Variants in ADGRL2 observed in about 807,000 individuals in gnomAD.
ADGRL2 encodes the protein adhesion G protein-coupled receptor L2.
Under a neutral mutation model 157.4 loss-of-function variants are expected in ADGRL2, and 44 were observed. The observed-to-expected ratio is 0.28, with a 90% CI of 0.22 to 0.36. The LOEUF (loss-of-function observed/expected upper bound fraction) is 0.36, where lower values mean the gene tolerates loss of function less well. ADGRL2 is among the 10% of genes least tolerant of loss of function. The pLI is 1.00. For missense variants in ADGRL2, 1,510 were observed against 1,768.9 expected (o/e 0.85, Z 2.63); for synonymous variants, 585 against 624.7 (o/e 0.94, Z 0.95).
At chr1:81,596,225 A>T (rs1244254672) in intron 3 of ADGRL2, 2 of 577,154 alleles carry the variant, frequency 3.5e-6, no homozygotes, top group African/African-American at 1.9e-5. Context: ...CAATCTCAAA[A>T]GGACTGTGCA....
At chr1:81,623,088 G>C (rs1419390619) in intron 3 of ADGRL2, among the ~76,000 whole-genome samples, 1 of 152,106 alleles carries the variant, frequency 6.6e-6, no homozygotes, top group African/African-American at 2.4e-5. Flanking sequence ...GTCTGGGGTG[G>C]AGCAACAATT....
chr1:81,868,601 T>A (rs746334479), intron 2 of ADGRL2, among the ~76,000 whole-genome samples: 20 of 152,074 alleles, frequency 1.3e-4, no homozygotes, highest in Non-Finnish European at 2.6e-4. Flanking sequence ...GATCGTTGTC[T>A]CCTCCTCTTC....
At chr1:81,625,105 T>A (rs557651409) in intron 3 of ADGRL2, among the ~76,000 whole-genome samples, 1 of 152,182 alleles carries the variant, frequency 6.6e-6, no homozygotes, top group Non-Finnish European at 1.5e-5. Context: ...ATTATCATCA[T>A]TAAAGGATAA....
chr1:81,370,678 C>G (rs2076146932), intron 1 of ADGRL2, among the ~76,000 whole-genome samples: 1 of 152,104 alleles, frequency 6.6e-6, no homozygotes, highest in African/African-American at 2.4e-5. Context: ...CATCAAAATG[C>G]ATAGGACAGA....
At chr1:81,645,882 G>T (rs1238105464) in intron 3 of ADGRL2, among the ~76,000 whole-genome samples, 1 of 152,072 alleles carries the variant, frequency 6.6e-6, no homozygotes, top group Admixed American at 6.6e-5. Flanking sequence ...GTATTGAGAT[G>T]AAATTTAATT....
intron 4 of ADGRL2, among the ~76,000 whole-genome samples, chr1:81,938,045 C>T (rs779148475): frequency 6.6e-6 from 1 of 151,718 alleles, no homozygotes; most frequent in Non-Finnish European, 1.5e-5. Flanking sequence ...GCTCTGTGTT[C>T]ATGTGTTACT....
chr1:81,384,593 T>C (rs1007246565), intron 1 of ADGRL2, among the ~76,000 whole-genome samples: 76 of 152,320 alleles, frequency 5.0e-4, no homozygotes, highest in African/African-American at 1.7e-3. Context: ...ATAACAGGTT[T>C]ATAACAGATG....
intron 1 of ADGRL2, among the ~76,000 whole-genome samples, chr1:81,418,057 T>C (rs2077062401): frequency 6.6e-6 from 1 of 152,210 alleles, no homozygotes; most frequent in Admixed American, 6.5e-5. Context: ...CACATTCACC[T>C]GAATAACCCA....
intron 1 of ADGRL2, among the ~76,000 whole-genome samples, chr1:81,336,448 G>T (rs1661649173): frequency 6.6e-6 from 1 of 152,166 alleles, no homozygotes; most frequent in African/African-American, 2.4e-5. Flanking sequence ...GGTGGAGCCA[G>T]TTAACTGTGT....
intron 1 of ADGRL2, among the ~76,000 whole-genome samples, chr1:81,749,872 T>G (rs890031858): frequency 1.3e-5 from 2 of 152,176 alleles, no homozygotes; most frequent in African/African-American, 4.8e-5. Flanking sequence ...TCAGTCTGAA[T>G]GTAGTTGCTT....
chr1:81,552,183 A>G (rs2080162672), intron 2 of ADGRL2, among the ~76,000 whole-genome samples: 2 of 152,150 alleles, frequency 1.3e-5, no homozygotes. Context: ...AGGCTCCACT[A>G]GGCCCGAGAA....
intron 2 of ADGRL2, among the ~76,000 whole-genome samples, chr1:81,903,297 T>C (rs1395393760): frequency 6.6e-6 from 1 of 152,192 alleles, no homozygotes; most frequent in East Asian, 1.9e-4. Context: ...ATTCATGTAG[T>C]TTTGTGAACC....
chr1:81,770,195 C>T (rs1351212781), intron 2 of ADGRL2, among the ~76,000 whole-genome samples: 1 of 127,410 alleles, frequency 7.8e-6, no homozygotes, highest in African/African-American at 3.0e-5. Context: ...CCGAGTCTCA[C>T]TCTATAGCCC....
intron 17 of ADGRL2, among the ~76,000 whole-genome samples, chr1:81,974,704 CG>C (rs1226032315): frequency 6.6e-6 from 1 of 152,070 alleles, no homozygotes; most frequent in African/African-American, 2.4e-5. Flanking sequence ...TAAGCTCAGA[CG>C]GATGTGATTC....
intron 2 of ADGRL2, among the ~76,000 whole-genome samples, chr1:81,764,907 T>C (rs2086060025): frequency 6.6e-6 from 1 of 152,094 alleles, no homozygotes; most frequent in South Asian, 2.1e-4. Context: ...AAGACTGTAA[T>C]GATTAAAGGG....
rs1664860391 is a variant in ADGRL2 at position 81,993,078 on chromosome 1, TA to T, written c.*1934del. 3.4e-4 allele frequency among the ~76,000 whole-genome samples: 10 copies of T among 29,406 alleles called. No homozygotes were observed. The highest frequency in any genetic ancestry group is 1.3e-3 in the African/African-American group (9 of 6,894). The allele number at this position is 29,406 out of a possible 152,430, so 19.3% of individuals were successfully genotyped here. ...ATATACATATATATATATATATATA[TA>T]TATATATATTTTTTTTTTTTTTTTT... On this transcript the variant is annotated 3_prime_UTR_variant, in exon 24 of 24. Coordinates refer to ENST00000686636, the MANE Select transcript of ADGRL2 (RefSeq NM_001366006.2).
chr1:81,816,671 T>G (rs1215011277), intron 1 of ADGRL2, among the ~76,000 whole-genome samples: 1 of 151,904 alleles, frequency 6.6e-6, no homozygotes, highest in Non-Finnish European at 1.5e-5. Context: ...ATTTAAGCCC[T>G]CCATAGTTAA....
chr1:81,351,887 C>T (rs1196890960), intron 1 of ADGRL2, among the ~76,000 whole-genome samples: 3 of 152,180 alleles, frequency 2.0e-5, no homozygotes, highest in Admixed American at 2.0e-4. Flanking sequence ...CTCCCTTGTT[C>T]TAAAATTATA....
chr1:81,484,913 TG>T (rs892421805), intron 2 of ADGRL2, among the ~76,000 whole-genome samples: 1 of 152,120 alleles, frequency 6.6e-6, no homozygotes, highest in Non-Finnish European at 1.5e-5. Flanking sequence ...ACCCATAAGG[TG>T]TTTACAAAAT....
Sources: gnomAD v4.1 joint callset for allele counts (sites outside exome capture counted in the v4.1 genomes callset) on GRCh38, gnomAD v4.1.1 for gene constraint, MANE v1.5 for transcripts, NCBI Gene and HGNC (gene_info 2026-07-23, HGNC 2026-07-21) for gene names.